The following TAFA2 variants were observed in gnomAD, a reference collection of about 807,000 sequenced individuals.
TAFA2 encodes the protein chemokine-like protein TAFA-2.
Under a neutral mutation model 18.8 loss-of-function variants are expected in TAFA2, and 7 were observed. That is an observed-to-expected ratio of 0.37 (90% CI 0.21 to 0.70). The LOEUF is 0.70. TAFA2 is among the 30% of genes least tolerant of loss of function. The probability of loss-of-function intolerance (pLI) is 0.53; values close to 1 mark genes in which losing one functional copy is unlikely to be tolerated. For synonymous variants in TAFA2, 60 were observed against 54.2 expected (o/e 1.11, Z -0.47); for missense variants, 122 against 158.1 (o/e 0.77, Z 1.23).
chr12:62,076,703 A>G (rs1298962150), intron 1 of TAFA2, among the ~76,000 whole-genome samples: 6 of 152,224 alleles, frequency 3.9e-5, no homozygotes. Context: ...AATAGCTTCC[A>G]CTAAATACTT....
chr12:62,182,580 T>C (rs1350128088), intron 1 of TAFA2, among the ~76,000 whole-genome samples: 2 of 152,192 alleles, frequency 1.3e-5, no homozygotes, highest in African/African-American at 4.8e-5. Context: ...TTTAGCAAAA[T>C]TTCCCTGGTA....
At chr12:61,719,083 C>T (rs1869783555) in intron 4 of TAFA2, among the ~76,000 whole-genome samples, 1 of 152,062 alleles carries the variant, frequency 6.6e-6, no homozygotes, top group South Asian at 2.1e-4. Flanking sequence ...AAAATTATGG[C>T]AGTTGGGGGG....
rs180892989 is a variant in TAFA2 at position 62,071,571 on chromosome 12, G to A, written c.-2+119688C>T. On this transcript the variant is annotated intron_variant, in intron 1 of 4. Transcript: ENST00000416284. ...AGCCTGGGCAACATAGGGTGACTCT[G>A]TCTTTACAAAATAAAAATTTTTCAA... Among the ~76,000 whole-genome samples the A allele has an allele frequency of 2.9e-4, 44 of 152,194 alleles. No individual in the cohort carries two copies. The East Asian group carries it at 7.0e-3, about 24-fold the overall frequency.
At chr12:61,870,170 C>G (rs1874537232) in intron 1 of TAFA2, among the ~76,000 whole-genome samples, 1 of 152,172 alleles carries the variant, frequency 6.6e-6, no homozygotes, top group Non-Finnish European at 1.5e-5. Context: ...GTATTTTCTT[C>G]TTTTCGTAAC....
intron 4 of TAFA2, among the ~76,000 whole-genome samples, chr12:61,714,481 A>T (rs1262234277): frequency 6.6e-6 from 1 of 152,196 alleles, no homozygotes; most frequent in Admixed American, 6.5e-5. Flanking sequence ...ATTATTTAAG[A>T]TCAAGGCACC....
intron 1 of TAFA2, among the ~76,000 whole-genome samples, chr12:61,937,853 T>C (rs1877836597): frequency 6.6e-6 from 1 of 151,826 alleles, no homozygotes; most frequent in Non-Finnish European, 1.5e-5. Context: ...GAAACAATCA[T>C]CAGAGTAAAC....
At chr12:62,089,582 G>A (rs531012922) in intron 1 of TAFA2, among the ~76,000 whole-genome samples, 28 of 152,104 alleles carry the variant, frequency 1.8e-4, no homozygotes, top group African/African-American at 6.5e-4. Flanking sequence ...GGGAGCGAGC[G>A]AGGGAGAGAA....
intron 2 of TAFA2, among the ~76,000 whole-genome samples, chr12:61,785,361 T>TGTG (rs1870692724): frequency 8.9e-4 from 74 of 83,314 alleles, no homozygotes; most frequent in Non-Finnish European, 1.5e-3. Context: ...GTGTGTGTGT[T>TGTG]TGTGTGTGTG....
rs573777103 is a variant in TAFA2 at position 61,921,410 on chromosome 12, A to G, written c.-1-53984T>C. On this transcript the variant is annotated intron_variant, in intron 1 of 4. Coordinates refer to ENST00000416284, the MANE Select transcript of TAFA2 (RefSeq NM_178539.5). ...CCCTGATAGATTGAATTCTGTTTTT[A>G]AGAAATAGAAGATTCAAGGAGGACC... Among the ~76,000 whole-genome samples, 8 of 152,296 alleles carry G rather than the reference A, an allele frequency of 5.3e-5. No individual in the cohort carries two copies. In the South Asian group the frequency reaches 8.3e-4, roughly 16 times the overall value.
At chr12:61,922,495 G>C (rs934644272) in intron 1 of TAFA2, among the ~76,000 whole-genome samples, 6 of 152,172 alleles carry the variant, frequency 3.9e-5, no homozygotes, top group Non-Finnish European at 7.4e-5. Flanking sequence ...AAGTGCAAGG[G>C]GTCGGGGAAC....
chr12:62,072,581 G>A (rs2136806552), intron 1 of TAFA2, among the ~76,000 whole-genome samples: 1 of 152,102 alleles, frequency 6.6e-6, no homozygotes, highest in South Asian at 2.1e-4. Flanking sequence ...AGGAGTTCAA[G>A]ACCAACCTGG....
At chr12:61,732,185 G>T (rs1392720608) in intron 4 of TAFA2, among the ~76,000 whole-genome samples, 1 of 151,970 alleles carries the variant, frequency 6.6e-6, no homozygotes, top group Non-Finnish European at 1.5e-5. Flanking sequence ...CAAGTGGGTA[G>T]CTGGGAAAAG....
At chr12:62,203,931 T>C (rs2062682027) in intron 1 of TAFA2, among the ~76,000 whole-genome samples, 1 of 152,164 alleles carries the variant, frequency 6.6e-6, no homozygotes, top group Admixed American at 6.5e-5. Context: ...TCATAGTGTC[T>C]TTGGTCTTTG....
intron 1 of TAFA2, among the ~76,000 whole-genome samples, chr12:61,906,996 A>G (rs1305702033): frequency 6.6e-6 from 1 of 152,210 alleles, no homozygotes; most frequent in African/African-American, 2.4e-5. Flanking sequence ...AGTTTTATGT[A>G]TTCACAAAGA....
At chr12:61,850,810 C>A (rs779001217) in intron 2 of TAFA2, among the ~76,000 whole-genome samples, 10 of 151,998 alleles carry the variant, frequency 6.6e-5, no homozygotes, top group Non-Finnish European at 8.8e-5. Flanking sequence ...AAAATCTAAA[C>A]CTTTAAATGA....
intron 1 of TAFA2, among the ~76,000 whole-genome samples, chr12:62,002,838 A>C (rs1880423059): frequency 6.6e-6 from 1 of 151,746 alleles, no homozygotes. Context: ...TTATGCATCC[A>C]CCTCCTGGGT....
At chr12:62,020,080 C>T (rs13377968) in intron 1 of TAFA2, among the ~76,000 whole-genome samples, 1,931 of 152,184 alleles carry the variant, frequency 0.013, 42 homozygotes, top group African/African-American at 0.044. Flanking sequence ...GATTCCAAAT[C>T]GTCTCAACAG....
chr12:61,775,032 A>C (rs1022304267), intron 2 of TAFA2, among the ~76,000 whole-genome samples: 125 of 151,904 alleles, frequency 8.2e-4, no homozygotes, highest in African/African-American at 2.7e-3. Flanking sequence ...ACATCACGAG[A>C]AAATATATGT....
intron 1 of TAFA2, among the ~76,000 whole-genome samples, chr12:62,189,370 C>A (rs915818895): frequency 6.6e-6 from 1 of 152,124 alleles, no homozygotes; most frequent in Admixed American, 6.5e-5. Flanking sequence ...TATTTATAAG[C>A]TCCAGTGTGG....
Sources: allele counts gnomAD v4.1 joint callset (sites outside exome capture counted in the v4.1 genomes callset), GRCh38; gene constraint gnomAD v4.1.1; transcripts MANE v1.5; gene names NCBI Gene and HGNC (gene_info 2026-07-23, HGNC 2026-07-21).